The following DLG2 variants were observed in gnomAD, a reference collection of about 807,000 sequenced individuals.
DLG2 encodes disks large homolog 2.
Under a neutral mutation model 132.5 loss-of-function variants are expected in DLG2, and 45 were observed. The ratio of observed to expected loss-of-function variants is 0.34; its 90% CI spans 0.27 to 0.44. DLG2 has a LOEUF of 0.44. DLG2 is among the 20% of genes least tolerant of loss of function. The pLI is 1.00. For synonymous variants in DLG2, 424 were observed against 419.6 expected, an observed-to-expected ratio of 1.01 and a Z score of -0.13; for missense variants, 1,045 against 1,196.9, an observed-to-expected ratio of 0.87 and a Z score of 1.87.
intron 3 of DLG2, among the ~76,000 whole-genome samples, chr11:85,495,380 T>A (rs937668927): frequency 6.6e-6 from 1 of 152,012 alleles, no homozygotes; most frequent in East Asian, 1.9e-4. Context: ...CTGAAATCTA[T>A]CCATCTGATG....
At chr11:83,786,852 GAA>G in intron 17 of DLG2, 60 bp from the exon 18 acceptor site, 3 of 1,519,112 alleles carry the variant, frequency 2.0e-6, no homozygotes, top group Admixed American at 1.8e-5. Context: ...CCTGATAGAA[GAA>G]AAAAGTTTCC....
chr11:83,566,714 T>A (rs1384064784), intron 19 of DLG2, among the ~76,000 whole-genome samples: 1 of 58,250 alleles, frequency 1.7e-5, no homozygotes, highest in South Asian at 5.1e-4. Context: ...GAGGGCATGG[T>A]GTGTGTGTGT....
At position 85,144,542 on chromosome 11, in the gene DLG2, G is replaced by A. The variant is rs116930521; in HGVS notation, c.282+10014C>T. ...CTTTGTGTAAAAGTGATTTTCTCTGGTAGTATGTTCTAATTTCTTGCTTTT... is the reference window on the plus strand; with the variant it reads ...CTTTGTGTAAAAGTGATTTTCTCTGATAGTATGTTCTAATTTCTTGCTTTT... On this transcript the variant is annotated intron_variant, in intron 5 of 27. Coordinates refer to ENST00000376104, the MANE Select transcript of DLG2 (RefSeq NM_001142699.3). Among the ~76,000 whole-genome samples the A allele has an allele frequency of 4.5e-4, 68 of 151,102 alleles. 5 individuals carry two copies. The East Asian group carries it at 0.013, about 29-fold the overall frequency.
intron 7 of DLG2, among the ~76,000 whole-genome samples, chr11:84,438,811 G>C (rs943196508): frequency 6.6e-6 from 1 of 152,166 alleles, no homozygotes; most frequent in African/African-American, 2.4e-5. Flanking sequence ...ACACAAACTA[G>C]ACTCAATATA....
chr11:85,496,545 G>A (rs1287334335), intron 3 of DLG2, among the ~76,000 whole-genome samples: 1 of 152,116 alleles, frequency 6.6e-6, no homozygotes, highest in Non-Finnish European at 1.5e-5. Flanking sequence ...CGTCCCTGCT[G>A]GACAGCTCTG....
intron 7 of DLG2, among the ~76,000 whole-genome samples, chr11:84,322,246 C>T (rs1323493391): frequency 6.6e-6 from 1 of 152,158 alleles, no homozygotes; most frequent in Admixed American, 6.5e-5. Flanking sequence ...AACAAAATGG[C>T]AATGTGTTCC....
intron 7 of DLG2, among the ~76,000 whole-genome samples, chr11:84,454,367 G>A (rs1444136264): frequency 6.6e-6 from 1 of 151,424 alleles, no homozygotes; most frequent in African/African-American, 2.4e-5. Flanking sequence ...TTTCAAAAAT[G>A]TAAATGTAGA....
At chr11:84,833,569 C>T (rs369492879) in intron 6 of DLG2, among the ~76,000 whole-genome samples, 55 of 151,302 alleles carry the variant, frequency 3.6e-4, no homozygotes, top group African/African-American at 1.3e-3. Context: ...CTTCTCTGAG[C>T]CCCACTTTTA....
At chr11:85,491,524 C>T (rs1417476038) in intron 3 of DLG2, among the ~76,000 whole-genome samples, 2 of 151,912 alleles carry the variant, frequency 1.3e-5, no homozygotes, top group African/African-American at 4.8e-5. Context: ...ACACTAACCA[C>T]ATCAAAAAAA....
intron 7 of DLG2, among the ~76,000 whole-genome samples, chr11:84,401,374 T>G (rs2098828816): frequency 6.6e-6 from 1 of 152,254 alleles, no homozygotes; most frequent in East Asian, 1.9e-4. Context: ...TTGTTTAATG[T>G]CTTTCCTCCA....
chr11:83,730,936 G>A (rs1017980517), intron 18 of DLG2, among the ~76,000 whole-genome samples: 2 of 151,962 alleles, frequency 1.3e-5, no homozygotes, highest in African/African-American at 4.8e-5. Flanking sequence ...GCCTTACTAG[G>A]TCCCTAAATT....
chr11:83,775,763 A>G (rs2094557058), intron 18 of DLG2, among the ~76,000 whole-genome samples: 1 of 148,152 alleles, frequency 6.7e-6, no homozygotes. Flanking sequence ...AATGCCTACT[A>G]TTAGCCAGAC....
rs560577065 is a variant in DLG2 at position 85,290,662 on chromosome 11, T to C, written c.41-5297A>G. 9.2e-5 allele frequency among the ~76,000 whole-genome samples: 14 copies of C among 152,206 alleles called. No homozygotes were observed. In the East Asian group the frequency reaches 2.7e-3, roughly 29 times the overall value. Reference sequence around the variant, plus strand: ...ATGGATATTATTGACTAAACTGATTTAGATTGAATTCATTAGAACTTAGTT... The same window carrying C: ...ATGGATATTATTGACTAAACTGATTCAGATTGAATTCATTAGAACTTAGTT... On this transcript the variant is annotated intron_variant, in intron 3 of 27. Transcript: ENST00000376104.
chr11:84,399,846 C>T (rs1406765860), intron 7 of DLG2, among the ~76,000 whole-genome samples: 1 of 152,148 alleles, frequency 6.6e-6, no homozygotes, highest in African/African-American at 2.4e-5. Context: ...TGGGTCTGAT[C>T]GATAAACCCA....
chr11:84,737,851 T>C (rs1201784728), intron 6 of DLG2, among the ~76,000 whole-genome samples: 1 of 152,066 alleles, frequency 6.6e-6, no homozygotes, highest in Non-Finnish European at 1.5e-5. Flanking sequence ...GTATGACTTC[T>C]AGGTTTCTGG....
intron 7 of DLG2, among the ~76,000 whole-genome samples, chr11:84,390,535 A>G (rs1219641276): frequency 1.3e-5 from 2 of 152,138 alleles, no homozygotes; most frequent in African/African-American, 4.8e-5. Context: ...GAAAAACTGT[A>G]TGAGTTTCGA....
chr11:83,917,615 C>G (rs1267996730), intron 15 of DLG2, among the ~76,000 whole-genome samples: 1 of 152,148 alleles, frequency 6.6e-6, no homozygotes, highest in African/African-American at 2.4e-5. Context: ...AAATCTGACC[C>G]TGCTGGAAGG....
chr11:85,093,684 G>A (rs571888940), intron 6 of DLG2, among the ~76,000 whole-genome samples: 1 of 152,172 alleles, frequency 6.6e-6, no homozygotes, highest in Non-Finnish European at 1.5e-5. Flanking sequence ...GATGTCATGA[G>A]GTTTATTCAC....
In DLG2 at chr11:85,012,356, T is replaced by C. The variant is rs569496981; in HGVS notation, c.357+99305A>G. ...CCTGGCTAACACGGTGAAACCCCAT[T>C]TCTACTAAAAATACAAAATTCGCTG... On this transcript the variant is annotated intron_variant, in intron 6 of 27. Transcript: ENST00000376104. 7.9e-4 allele frequency among the ~76,000 whole-genome samples: 102 copies of C among 129,326 alleles called. 18 individuals carry two copies. Among genetic ancestry groups the C allele is most frequent in the Non-Finnish European group, 1.3e-3 (84 of 62,558 alleles). 84.8% of individuals were successfully genotyped at this position (129,326 alleles called of 152,430 possible).
Sources: allele counts gnomAD v4.1 joint callset (sites outside exome capture counted in the v4.1 genomes callset), GRCh38; gene constraint gnomAD v4.1.1; transcripts MANE v1.5; gene names NCBI Gene and HGNC (gene_info 2026-07-23, HGNC 2026-07-21).